The following MTMR8 variants were observed in gnomAD, a reference collection of about 807,000 sequenced individuals.
MTMR8 encodes the protein myotubularin related protein 8, also known as phosphatidylinositol-3,5-bisphosphate 3-phosphatase MTMR8.
A neutral mutation model predicts 39.3 loss-of-function variants in MTMR8; 65 were observed. That is an observed-to-expected ratio of 1.65 (90% CI 1.35 to 2.03). The LOEUF (loss-of-function observed/expected upper bound fraction) is 2.03, where lower values mean the gene tolerates loss of function less well. Ranked by LOEUF, MTMR8 falls within the 30% of genes most tolerant of loss-of-function variation. MTMR8 has a pLI of 0.00. For missense variants in MTMR8, 777 were observed against 538.9 expected, an observed-to-expected ratio of 1.44 and a Z score of -4.37; for synonymous variants, 245 against 185.2, an observed-to-expected ratio of 1.32 and a Z score of -2.62.
chrX:64,394,815 G>GT (rs1924778800), intron 1 of MTMR8, among the ~76,000 whole-genome samples: 2 of 112,369 alleles, frequency 1.8e-5, no homozygotes, highest in African/African-American at 6.5e-5. Flanking sequence ...AAGAGATGCT[G>GT]TGGCCCCCAC....
intron 12 of MTMR8, among the ~76,000 whole-genome samples, chrX:64,314,805 C>G (rs1356080108): frequency 8.9e-6 from 1 of 111,919 alleles, no homozygotes; most frequent in Non-Finnish European, 1.9e-5. Flanking sequence ...TGGTACGTGA[C>G]CTCGGGGGCC....
Position 64,269,001 on chromosome X carries a change from A to T in MTMR8, c.1651T>A (p.Cys551Ser). The T allele has an allele frequency of 8.3e-7, 1 of 1,211,401 alleles. No homozygotes were observed. The highest frequency in any genetic ancestry group is 1.1e-6 in the Non-Finnish European group (1 of 895,033). Reference sequence around the variant, plus strand: ...GATAATATGTTTCCTAATTGAGAGCAGGTACAGATCTCTTCTGGTGGCTCA... The same window carrying T: ...GATAATATGTTTCCTAATTGAGAGCTGGTACAGATCTCTTCTGGTGGCTCA... ...RDEPPEEICT[C>S]SQLGNILSQH... Residue 551 changes from cysteine (C) to serine (S), a missense_variant, in exon 14 of 14, where the codon TGC becomes AGC. Physicochemically the swap from Cys to Ser is moderately radical, Grantham distance 112. Coordinates refer to ENST00000374852, the MANE Select transcript of MTMR8 (RefSeq NM_017677.4).
intron 2 of MTMR8, among the ~76,000 whole-genome samples, chrX:64,357,989 C>A (rs1923670769): frequency 9.0e-6 from 1 of 111,167 alleles, no homozygotes; most frequent in African/African-American, 3.3e-5. Flanking sequence ...CTTTGACATG[C>A]AGAAATAAGT....
At position 64,269,059 on chromosome X, in the gene MTMR8, G is replaced by A; in HGVS notation, c.1609-16C>T. The A allele has an allele frequency of 8.3e-7, 1 of 1,200,656 alleles. No homozygotes were observed. Among genetic ancestry groups the A allele is most frequent in the Non-Finnish European group, 1.1e-6 (1 of 889,988 alleles). On this transcript the variant is annotated splice_polypyrimidine_tract_variant and intron_variant, in intron 13 of 13. Coordinates refer to ENST00000374852, the MANE Select transcript of MTMR8 (RefSeq NM_017677.4). ...CTTTTAGTTTCTGCCTCAGGAGCAA[G>A]AAAGGGTTGAGAAGAATTAGAAACA... is the stretch of plus-strand genomic sequence containing the variant.
intron 10 of MTMR8, among the ~76,000 whole-genome samples, chrX:64,332,080 G>T (rs1212828783): frequency 8.9e-6 from 1 of 112,080 alleles, no homozygotes; most frequent in African/African-American, 3.2e-5. Flanking sequence ...TAACTGTTAA[G>T]CACTTGAAAT....
chrX:64,284,527 T>C (rs1339851981), intron 12 of MTMR8, among the ~76,000 whole-genome samples: 1 of 111,440 alleles, frequency 9.0e-6, no homozygotes, highest in African/African-American at 3.3e-5. Context: ...AATTGTCAGA[T>C]TCATCAAAGT....
At chrX:64,321,979 G>A (rs1399609767) in intron 12 of MTMR8, among the ~76,000 whole-genome samples, 1 of 111,225 alleles carries the variant, frequency 9.0e-6, no homozygotes, top group Non-Finnish European at 1.9e-5. Flanking sequence ...CATATGTTGA[G>A]CCATTCTTGT....
At chrX:64,274,534 C>T (rs750080456) in intron 12 of MTMR8, among the ~76,000 whole-genome samples, 77 of 111,537 alleles carry the variant, frequency 6.9e-4, no homozygotes, top group African/African-American at 2.4e-3. Flanking sequence ...ATAGAACTAC[C>T]ATATGATCCA....
chrX:64,340,937 C>G (rs898503609), intron 8 of MTMR8, among the ~76,000 whole-genome samples: 16 of 112,331 alleles, frequency 1.4e-4, no homozygotes, highest in African/African-American at 4.9e-4. Flanking sequence ...GTATTACCTA[C>G]TTGGAGGGCA....
chrX:64,312,283 C>T (rs1411306605), intron 12 of MTMR8, among the ~76,000 whole-genome samples: 2 of 111,766 alleles, frequency 1.8e-5, no homozygotes, highest in African/African-American at 6.5e-5. Flanking sequence ...TGGGAATTCA[C>T]TCATGATTTG....
chrX:64,356,414 C>T (rs957225906), intron 2 of MTMR8, 76 bp from the exon 3 acceptor site: 10 of 941,402 alleles, frequency 1.1e-5, no homozygotes, highest in Admixed American at 3.2e-5. Flanking sequence ...CCTGACTCTC[C>T]GTAATGGTAA....
chrX:64,363,103 G>T lies in MTMR8; in HGVS notation c.25-3576C>A, dbSNP rs772543315. Among the ~76,000 whole-genome samples the T allele has an allele frequency of 2.7e-5, 3 of 111,818 alleles. No individual in the cohort carries two copies. In the East Asian group the frequency reaches 8.5e-4, roughly 32 times the overall value. ...GTGTTGGTAGGGTTCAAGGCATATAGGAATCCTCATCCACTACAACCAGGG... is the reference window on the plus strand; with the variant it reads ...GTGTTGGTAGGGTTCAAGGCATATATGAATCCTCATCCACTACAACCAGGG... On this transcript the variant is annotated intron_variant, in intron 1 of 13. Coordinates refer to ENST00000374852, the MANE Select transcript of MTMR8 (RefSeq NM_017677.4).
At chrX:64,279,047 C>G (rs748133307) in intron 12 of MTMR8, among the ~76,000 whole-genome samples, 33 of 110,424 alleles carry the variant, frequency 3.0e-4, no homozygotes, top group Non-Finnish European at 1.5e-4. Flanking sequence ...GGCATGGGGT[C>G]AGGGACCCAC....
At chrX:64,309,470 A>C (rs1318966987) in intron 12 of MTMR8, among the ~76,000 whole-genome samples, 3 of 111,512 alleles carry the variant, frequency 2.7e-5, no homozygotes, top group East Asian at 2.8e-4. Flanking sequence ...GCAAAAAAAA[A>C]CAGTTGTTCT....
chrX:64,282,367 G>T (rs1920998599), intron 12 of MTMR8, among the ~76,000 whole-genome samples: 1 of 111,378 alleles, frequency 9.0e-6, no homozygotes, highest in Non-Finnish European at 1.9e-5. Flanking sequence ...GTCAGAAGGG[G>T]TGGGGGTAGG....
chrX:64,346,896 T>C (rs1456584762), intron 6 of MTMR8, among the ~76,000 whole-genome samples: 3 of 111,358 alleles, frequency 2.7e-5, no homozygotes, highest in Admixed American at 9.6e-5. Flanking sequence ...GTAATATTTA[T>C]TGTAATGTAA....
At chrX:64,302,058 G>C (rs1393366837) in intron 12 of MTMR8, among the ~76,000 whole-genome samples, 1 of 112,824 alleles carries the variant, frequency 8.9e-6, no homozygotes, top group African/African-American at 3.2e-5. Flanking sequence ...AGCCTACAGA[G>C]GCAGGCAGGC....
chrX:64,319,291 TAA>T (rs941276261), intron 12 of MTMR8, among the ~76,000 whole-genome samples: 4 of 112,369 alleles, frequency 3.6e-5, no homozygotes, highest in African/African-American at 1.3e-4. Context: ...AATGCTTAGT[TAA>T]AAAAAGAGAC....
intron 12 of MTMR8, 45 bp from the exon 13 acceptor site, chrX:64,271,118 G>A: frequency 8.9e-7 from 1 of 1,119,094 alleles, no homozygotes; most frequent in Non-Finnish European, 1.2e-6. Context: ...AGTTTAGCTG[G>A]AGTAATTGAT....
Sources: allele counts gnomAD v4.1 joint callset (sites outside exome capture counted in the v4.1 genomes callset), GRCh38; gene constraint gnomAD v4.1.1; transcripts MANE v1.5; gene names NCBI Gene and HGNC (gene_info 2026-07-23, HGNC 2026-07-21).